TRMT11: variants seen among roughly 807,000 people sequenced by gnomAD.
TRMT11 encodes tRNA (guanine(10)-N(2))-methyltransferase TRMT11.
A neutral mutation model predicts 62.8 loss-of-function variants in TRMT11; 53 were observed. The observed-to-expected ratio is 0.84, with a 90% CI of 0.68 to 1.06. The LOEUF (loss-of-function observed/expected upper bound fraction) is 1.06. TRMT11 is among the 50% of genes least tolerant of loss of function. The probability of loss-of-function intolerance (pLI) is 0.00; values close to 1 mark genes in which losing one functional copy is unlikely to be tolerated. For missense variants in TRMT11, 556 were observed against 553.4 expected (o/e 1.00, Z -0.05); for synonymous variants, 188 against 190.3 (o/e 0.99, Z 0.10).
At position 126,011,336 on chromosome 6, in the gene TRMT11, T is replaced by C. The variant is rs890039146; in HGVS notation, c.844T>C (p.Tyr282His). The change falls in exon 9 of 13, where the codon TAT becomes CAT. Residue 282 changes from tyrosine (Y) to histidine (H), a missense_variant. Coordinates refer to ENST00000334379, the MANE Select transcript of TRMT11 (RefSeq NM_001031712.3). ...ANLRQYGLEK[Y>H]YLDVLVSDAS... ...TCTTCGTCAATATGGTTTAGAGAAG[T>C]ATTACCTTGATGTCCTGGTTTCAGA... 5 of 1,613,320 alleles carry C rather than the reference T, an allele frequency of 3.1e-6. No individual in the cohort carries two copies. The Admixed American group carries it at 6.7e-5, about 22-fold the overall frequency.
chr6:126,044,151 A>C (rs578198971), downstream of TRMT11, among the ~76,000 whole-genome samples: 1 of 151,830 alleles, frequency 6.6e-6, no homozygotes, highest in Non-Finnish European at 1.5e-5. Context: ...CTGAATGGTA[A>C]TGCCTAGGTT....
chr6:126,214,357 T>C, the TRMT11 span, among the ~76,000 whole-genome samples: 2 of 152,164 alleles, frequency 1.3e-5, no homozygotes, highest in Middle Eastern at 6.8e-3. Context: ...AATGAAGCCA[T>C]CAGGTCTTGG....
At chr6:126,125,869 A>G (rs976743586) in intron 21 of TRMT11, among the ~76,000 whole-genome samples, 2 of 152,074 alleles carry the variant, frequency 1.3e-5, no homozygotes, top group African/African-American at 4.8e-5. Flanking sequence ...AAATTAGACT[A>G]TATTGTCAAC....
the TRMT11 span, among the ~76,000 whole-genome samples, chr6:126,260,990 T>C: frequency 2.0e-5 from 3 of 152,216 alleles, no homozygotes; most frequent in African/African-American, 4.8e-5. Context: ...TGGGAAGTTT[T>C]CAGCTATTAT....
chr6:126,111,550 T>C (rs923714537), intron 17 of TRMT11, among the ~76,000 whole-genome samples: 4 of 152,164 alleles, frequency 2.6e-5, no homozygotes, highest in Non-Finnish European at 5.9e-5. Context: ...AGATCACCTC[T>C]TATTTGTTTC....
the TRMT11 span, among the ~76,000 whole-genome samples, chr6:126,260,917 G>A: frequency 2.6e-5 from 4 of 152,160 alleles, no homozygotes; most frequent in Non-Finnish European, 4.4e-5. Flanking sequence ...TTTTTTGGAA[G>A]TTGAATCTAA....
chr6:126,008,302 G>A, intron 7 of TRMT11, 90 bp from the exon 8 acceptor site: 2 of 1,059,904 alleles, frequency 1.9e-6, no homozygotes, highest in South Asian at 2.5e-5. Context: ...TCTGCCTGCA[G>A]CTAGTTTCTA....
the TRMT11 span, among the ~76,000 whole-genome samples, chr6:126,212,166 G>A: frequency 6.6e-6 from 1 of 151,922 alleles, no homozygotes; most frequent in African/African-American, 2.4e-5. Context: ...TTATCCATTT[G>A]TCTGCTGATG....
At chr6:126,006,895 G>A (rs1197538918) in intron 7 of TRMT11, 3 of 151,960 alleles carry the variant, frequency 2.0e-5, no homozygotes, top group Admixed American at 6.6e-5. Flanking sequence ...AAATGGATAA[G>A]GTTCTGTTAA....
intron 7 of TRMT11, among the ~76,000 whole-genome samples, chr6:126,000,824 C>T (rs1458756112): frequency 6.6e-6 from 1 of 152,150 alleles, no homozygotes; most frequent in Admixed American, 6.6e-5. Flanking sequence ...TCAGCATACT[C>T]TATATTCTTT....
At chr6:126,127,243 A>C (rs1391411018) in intron 21 of TRMT11, among the ~76,000 whole-genome samples, 1 of 152,014 alleles carries the variant, frequency 6.6e-6, no homozygotes, top group Non-Finnish European at 1.5e-5. Context: ...CCATGTGAGG[A>C]GTAGTTGAGA....
At chr6:126,031,558 A>G (rs1055754615) in intron 12 of TRMT11, among the ~76,000 whole-genome samples, 7 of 152,192 alleles carry the variant, frequency 4.6e-5, no homozygotes, top group African/African-American at 1.7e-4. Flanking sequence ...GAGATGGGGA[A>G]TTTGGTTGGA....
chr6:126,158,246 C>G (rs1778143574), intron 21 of TRMT11, among the ~76,000 whole-genome samples: 1 of 152,178 alleles, frequency 6.6e-6, no homozygotes, highest in Non-Finnish European at 1.5e-5. Context: ...CTCTCTACCT[C>G]AATCTTTTCC....
intron 17 of TRMT11, among the ~76,000 whole-genome samples, chr6:126,107,131 T>A (rs1777473608): frequency 6.6e-6 from 1 of 152,184 alleles, no homozygotes; most frequent in African/African-American, 2.4e-5. Context: ...CTTGGATTTC[T>A]AATTACTTCT....
intron 21 of TRMT11, among the ~76,000 whole-genome samples, chr6:126,155,932 T>C (rs1778114915): frequency 6.6e-6 from 1 of 152,066 alleles, no homozygotes; most frequent in Non-Finnish European, 1.5e-5. Context: ...TTCAACGTGT[T>C]AGCCAGGATG....
At chr6:126,166,878 C>A (rs1053715148) in intron 21 of TRMT11, among the ~76,000 whole-genome samples, 1 of 152,102 alleles carries the variant, frequency 6.6e-6, no homozygotes, top group Non-Finnish European at 1.5e-5. Context: ...GGTTCTGCAC[C>A]CAGTTCGAAC....
At chr6:126,120,448 T>C (rs13192282) in intron 21 of TRMT11, among the ~76,000 whole-genome samples, 2,129 of 152,258 alleles carry the variant, frequency 0.014, 32 homozygotes, top group Middle Eastern at 0.061. Flanking sequence ...AAAAAAGTTA[T>C]TTAAAAATTC....
At chr6:126,179,335 C>G (rs774478475) in intron 1 of TRMT11, among the ~76,000 whole-genome samples, 1 of 152,106 alleles carries the variant, frequency 6.6e-6, no homozygotes. Flanking sequence ...GGGTTCAGAT[C>G]TTTAAAAATT....
At chr6:126,163,794 G>T (rs1229066602) in intron 21 of TRMT11, among the ~76,000 whole-genome samples, 1 of 152,022 alleles carries the variant, frequency 6.6e-6, no homozygotes, top group Non-Finnish European at 1.5e-5. Context: ...ATGGTAGTTT[G>T]TATTTCTGTG....
Sources: gnomAD v4.1 joint callset for allele counts (sites outside exome capture counted in the v4.1 genomes callset) on GRCh38, gnomAD v4.1.1 for gene constraint, MANE v1.5 for transcripts, NCBI Gene and HGNC (gene_info 2026-07-23, HGNC 2026-07-21) for gene names.